Variants in RPS6KB1 observed in about 807,000 individuals in gnomAD.
The protein encoded by RPS6KB1 is ribosomal protein S6 kinase beta-1.
In RPS6KB1, 12 loss-of-function variants were observed where a neutral mutation model predicts 70.2. That is an observed-to-expected ratio of 0.17 (90% CI 0.11 to 0.28). The LOEUF is 0.28. RPS6KB1 is among the 10% of genes least tolerant of loss of function. RPS6KB1 has a pLI of 1.00. For synonymous variants in RPS6KB1, 175 were observed against 211.2 expected (o/e 0.83, Z 1.49); for missense variants, 270 against 646.6 (o/e 0.42, Z 6.32).
intron 5 of RPS6KB1, among the ~76,000 whole-genome samples, chr17:59,929,328 A>C (rs909629175): frequency 6.6e-6 from 1 of 151,974 alleles, no homozygotes; most frequent in Admixed American, 6.6e-5. Flanking sequence ...ATCACCCCTG[A>C]CCTCAGGTGA....
intron 1 of RPS6KB1, 21 bp from the exon 2 acceptor site, chr17:59,910,541 A>C: frequency 6.6e-7 from 1 of 1,515,932 alleles, no homozygotes; most frequent in Non-Finnish European, 9.1e-7. Flanking sequence ...TTATTTCTGA[A>C]ACTTTTAACA....
At chr17:59,908,809 G>A (rs1421176948) in intron 1 of RPS6KB1, among the ~76,000 whole-genome samples, 1 of 141,538 alleles carries the variant, frequency 7.1e-6, no homozygotes, top group Non-Finnish European at 1.5e-5. Flanking sequence ...TAGTAGAGAC[G>A]GGGTTTCACC....
In RPS6KB1 at chr17:59,893,669, T is replaced by C. The variant is rs2041292850; in HGVS notation, c.141+344T>C. 4 of 590,710 alleles carry C rather than the reference T, an allele frequency of 6.8e-6. No homozygotes were observed. The highest frequency in any genetic ancestry group is 2.0e-5 in the African/African-American group (1 of 50,614). 36.6% of individuals were successfully genotyped at this position (590,710 alleles called of 1,614,324 possible). A position where few individuals can be genotyped will look rare whatever the true frequency, so the allele number is the denominator to read the frequency against. Reference sequence around the variant, plus strand: ...CGTGTGTTGGGGAGACGGGGGCTGCTCTTGCTGGGTGTCCCGTAAGTGCAG... The same window carrying C: ...CGTGTGTTGGGGAGACGGGGGCTGCCCTTGCTGGGTGTCCCGTAAGTGCAG... On this transcript the variant is annotated intron_variant, in intron 1 of 14. Transcript: ENST00000225577. The surrounding 1 kb of genome is among the most constrained non-coding windows in gnomAD (Gnocchi z 4.1).
chr17:59,941,019 C>T, intron 13 of RPS6KB1, 76 bp downstream of exon 13: 3 of 909,882 alleles, frequency 3.3e-6, no homozygotes, highest in South Asian at 2.9e-5. Flanking sequence ...ATTCAGTTTG[C>T]TTGCTTTGCA....
At chr17:59,928,691 A>G (rs146814049) in intron 5 of RPS6KB1, among the ~76,000 whole-genome samples, 20 of 152,328 alleles carry the variant, frequency 1.3e-4, no homozygotes, top group African/African-American at 4.8e-4. Flanking sequence ...AGTATCTTAC[A>G]TAACTATACT....
intron 1 of RPS6KB1, 66 bp from the exon 2 acceptor site, chr17:59,910,496 A>G (rs1207395716): frequency 3.3e-5 from 33 of 1,008,996 alleles, no homozygotes; most frequent in Non-Finnish European, 4.9e-5. Context: ...GTTATGAGAC[A>G]AAGAATTAAA....
At position 59,914,713 on chromosome 17, in the gene RPS6KB1, A is replaced by C. The variant is rs1331952079; in HGVS notation, c.381+10A>C. On this transcript the variant is annotated intron_variant, in intron 4 of 14. Transcript: ENST00000225577. Reference sequence around the variant, plus strand: ...GAAGGTGCTTAAAAAGGTGATTTCCACTCCCCCTTTTTAGTCCTCACACAC... The same window carrying C: ...GAAGGTGCTTAAAAAGGTGATTTCCCCTCCCCCTTTTTAGTCCTCACACAC... 1 of 1,596,458 alleles carries C rather than the reference A, an allele frequency of 6.3e-7. No homozygotes were observed. The highest frequency in any genetic ancestry group is 1.1e-5 in the South Asian group (1 of 90,068).
In RPS6KB1 at chr17:59,947,092, A is replaced by G; in HGVS notation, c.*304A>G. 8.4e-7 allele frequency: 1 copy of G among 1,195,734 alleles called. No individual in the cohort carries two copies. Among genetic ancestry groups the G allele is most frequent in the Non-Finnish European group, 1.0e-6 (1 of 956,730 alleles). The allele number at this position is 1,195,734 out of a possible 1,614,324, so 74.1% of individuals were successfully genotyped here. A position where few individuals can be genotyped will look rare whatever the true frequency, so the allele number is the denominator to read the frequency against. ...ACTCGAAACTGACAGTATTAAGGGT[A>G]GGATGTTGCTTCTGAATCACTGTTG... On this transcript the variant is annotated 3_prime_UTR_variant, in exon 15 of 15. Transcript: ENST00000225577.
intron 1 of RPS6KB1, among the ~76,000 whole-genome samples, chr17:59,902,100 CTTTTTTT>C (rs35721755): frequency 2.6e-4 from 21 of 81,640 alleles, no homozygotes; most frequent in East Asian, 3.9e-4. Flanking sequence ...GTGGCTTTCA[CTTTTTTT>C]TTTTTTTTTT....
At chr17:59,926,773 G>T (rs147155411) in intron 5 of RPS6KB1, among the ~76,000 whole-genome samples, 191 bp downstream of exon 5, 48 of 152,224 alleles carry the variant, frequency 3.2e-4, no homozygotes, top group Admixed American at 1.8e-3. Flanking sequence ...GGAAACTAAA[G>T]ATTTTTTTCC....
At position 59,926,483 on chromosome 17, in the gene RPS6KB1, C is replaced by T; in HGVS notation, c.430C>T (p.Arg144Trp). The change falls in exon 5 of 15, where the codon CGG (arginine) becomes TGG (tryptophan). Residue 144 changes from arginine (R) to tryptophan (W), a missense_variant. Physicochemically the swap from Arg to Trp is moderately radical, Grantham distance 101. Transcript: ENST00000225577. Reference sequence around the variant, plus strand: ...AGATACAGCTCATACAAAAGCAGAACGGAATATTCTGGAGGAAGTAAAGCA... The same window carrying T: ...AGATACAGCTCATACAAAAGCAGAATGGAATATTCTGGAGGAAGTAAAGCA... ...AKDTAHTKAE[R>W]NILEEVKHPF... 1.2e-6 allele frequency: 2 copies of T among 1,611,006 alleles called. No individual in the cohort carries two copies. The highest frequency in any genetic ancestry group is 1.7e-6 in the Non-Finnish European group (2 of 1,177,540).
At chr17:59,894,598 CTTGT>C (rs987564774) in intron 1 of RPS6KB1, among the ~76,000 whole-genome samples, 1 of 152,102 alleles carries the variant, frequency 6.6e-6, no homozygotes, top group African/African-American at 2.4e-5. Flanking sequence ...TACTGTTCTT[CTTGT>C]TTGTTTCTTT....
intron 4 of RPS6KB1, among the ~76,000 whole-genome samples, chr17:59,921,797 C>T (rs139083900): frequency 1.3e-5 from 2 of 152,348 alleles, no homozygotes; most frequent in African/African-American, 4.8e-5. Flanking sequence ...TCACCTCCCA[C>T]TGTACATTTT....
chr17:59,893,927 T>G lies in RPS6KB1; in HGVS notation c.141+602T>G, dbSNP rs2041324096. ...GCTGCATCTTCCAATCTTCCAGGGT[T>G]TGTTTGTTTGCTTTTTTTTTTTTAC... On this transcript the variant is annotated intron_variant, in intron 1 of 14. Coordinates refer to ENST00000225577, the MANE Select transcript of RPS6KB1 (RefSeq NM_003161.4). The surrounding 1 kb of genome is among the most constrained non-coding windows in gnomAD (Gnocchi z 4.1). 1.0e-6 allele frequency: 1 copy of G among 979,556 alleles called. No homozygotes were observed. The highest frequency in any genetic ancestry group is 6.6e-5 in the Admixed American group (1 of 15,224). The allele number at this position is 979,556 out of a possible 1,614,324, so 60.7% of individuals were successfully genotyped here. A position where few individuals can be genotyped will look rare whatever the true frequency, so the allele number is the denominator to read the frequency against.
At position 59,945,493 on chromosome 17, in the gene RPS6KB1, A is replaced by T. The variant is rs1307279204; in HGVS notation, c.1315A>T (p.Ile439Phe). ...EPKIRSPRRF[I>F]GSPRTPVSPV... is the part of the protein sequence containing the mutation. ...AAAAATCCGATCACCTCGAAGATTTATTGGCAGCCCACGAACACCTGTCAG... is the reference window on the plus strand; with the variant it reads ...AAAAATCCGATCACCTCGAAGATTTTTTGGCAGCCCACGAACACCTGTCAG... Residue 439 changes from isoleucine to phenylalanine, a missense_variant, in exon 14 of 15, where the codon ATT becomes TTT. Around this residue, in one of 4 missense-constraint regions of RPS6KB1, gnomAD observed 133 missense variants for 314.7 expected, o/e 0.42. Transcript: ENST00000225577. The T allele has an allele frequency of 6.2e-7, 1 of 1,608,664 alleles. No individual in the cohort carries two copies. Among genetic ancestry groups the T allele is most frequent in the Non-Finnish European group, 8.5e-7 (1 of 1,175,238 alleles).
chr17:59,936,162 A>G (rs2044223984), intron 10 of RPS6KB1, 53 bp from the exon 11 acceptor site: 2 of 1,539,126 alleles, frequency 1.3e-6, no homozygotes, highest in Non-Finnish European at 1.8e-6. Flanking sequence ...AAAGGAAAAA[A>G]AAAAATCAGT....
intron 13 of RPS6KB1, among the ~76,000 whole-genome samples, chr17:59,941,735 G>C (rs969420585): frequency 6.6e-6 from 1 of 150,476 alleles, no homozygotes; most frequent in African/African-American, 2.5e-5. Flanking sequence ...CTGGGTTCGA[G>C]TGATTCTCCT....
Position 59,950,561 on chromosome 17 carries a change from G to T in RPS6KB1, c.*3773G>T, listed in dbSNP as rs1203472631. ...TCATATAAATAAACTATGTATGTAAGGAATGGGTTAAAAGCTGTTCTGCTG... is the reference window on the plus strand; with the variant it reads ...TCATATAAATAAACTATGTATGTAATGAATGGGTTAAAAGCTGTTCTGCTG... On this transcript the variant is annotated 3_prime_UTR_variant, in exon 15 of 15. Transcript: ENST00000225577. The T allele has an allele frequency of 3.3e-5, 5 of 152,070 alleles. No individual in the cohort carries two copies. The highest frequency in any genetic ancestry group is 7.4e-5 in the Non-Finnish European group (5 of 67,960). The allele number at this position is 152,070 out of a possible 1,614,324, so 9.4% of individuals were successfully genotyped here. A position where few individuals can be genotyped will look rare whatever the true frequency, so the allele number is the denominator to read the frequency against.
rs2045094848 is a variant in RPS6KB1, at chr17:59,949,384, G to C, written c.*2596G>C. On this transcript the variant is annotated 3_prime_UTR_variant, in exon 15 of 15. Transcript: ENST00000225577. ...TTACTAGTCTTGAGTTTCTAAGAGG[G>C]TTCTTTATGTTATACCAGGTAAGTG... The C allele has an allele frequency of 1.3e-5, 2 of 152,426 alleles. No individual in the cohort carries two copies. Among genetic ancestry groups the C allele is most frequent in the African/African-American group, 2.4e-5 (1 of 41,376 alleles). The allele number at this position is 152,426 out of a possible 1,614,324, so 9.4% of individuals were successfully genotyped here. A position where few individuals can be genotyped will look rare whatever the true frequency, so the allele number is the denominator to read the frequency against.
Sources: gnomAD v4.1 joint callset for allele counts (sites outside exome capture counted in the v4.1 genomes callset) on GRCh38, gnomAD v4.1.1 for gene constraint, gnomAD v4.1.1 regional missense constraint, Gnocchi (gnomAD v3.1) non-coding constraint, MANE v1.5 for transcripts, NCBI Gene and HGNC (gene_info 2026-07-23, HGNC 2026-07-21) for gene names.